AGBL4: variants seen among roughly 807,000 people sequenced by gnomAD.
The protein encoded by AGBL4 is cytosolic carboxypeptidase 6.
AGBL4 carries 58 observed loss-of-function variants against 66.4 expected under a neutral mutation model. The ratio of observed to expected loss-of-function variants is 0.87; its 90% CI spans 0.71 to 1.09. The LOEUF (loss-of-function observed/expected upper bound fraction) is 1.09, where lower values mean the gene tolerates loss of function less well. AGBL4 is among the 50% of genes least tolerant of loss of function. AGBL4 has a pLI of 0.00. For synonymous variants in AGBL4, 234 were observed against 222.9 expected (o/e 1.05, Z -0.44); for missense variants, 579 against 631.0 (o/e 0.92, Z 0.88).
intron 5 of AGBL4, among the ~76,000 whole-genome samples, chr1:48,876,465 G>A (rs1356231985): frequency 6.6e-6 from 1 of 152,124 alleles, no homozygotes; most frequent in African/African-American, 2.4e-5. Context: ...TTACATGCTA[G>A]GGCAGTAATT....
chr1:48,865,312 T>C (rs540528969), intron 6 of AGBL4, among the ~76,000 whole-genome samples: 55 of 152,300 alleles, frequency 3.6e-4, no homozygotes, highest in African/African-American at 1.3e-3. Context: ...CACACATTGA[T>C]AATATTTGTC....
chr1:49,867,560 A>G (rs989670112), intron 1 of AGBL4, among the ~76,000 whole-genome samples: 5 of 136,214 alleles, frequency 3.7e-5, no homozygotes, highest in Non-Finnish European at 7.6e-5. Context: ...TTATTGTTCA[A>G]TTCCCACCTA....
chr1:49,135,898 C>G (rs184316003), intron 4 of AGBL4, among the ~76,000 whole-genome samples: 1 of 152,088 alleles, frequency 6.6e-6, no homozygotes, highest in Non-Finnish European at 1.5e-5. Context: ...CAACAGTACA[C>G]AAAATGAGTA....
At chr1:49,970,687 C>T (rs144045032) in intron 1 of AGBL4, among the ~76,000 whole-genome samples, 10 of 146,800 alleles carry the variant, frequency 6.8e-5, no homozygotes, top group African/African-American at 2.5e-4. Context: ...CAGAGCACGA[C>T]TCCGACTCAA....
intron 1 of AGBL4, among the ~76,000 whole-genome samples, chr1:49,959,054 A>G (rs1368387132): frequency 1.3e-5 from 2 of 151,794 alleles, no homozygotes; most frequent in Non-Finnish European, 2.9e-5. Context: ...ACCTTTGACT[A>G]GGCCTGACTA....
At chr1:48,674,512 G>T (rs1646332477) in intron 6 of AGBL4, among the ~76,000 whole-genome samples, 1 of 121,438 alleles carries the variant, frequency 8.2e-6, no homozygotes, top group Non-Finnish European at 1.8e-5. Context: ...GGCTGGGGGT[G>T]TTGGGCGCGT....
intron 5 of AGBL4, among the ~76,000 whole-genome samples, chr1:49,012,833 G>T (rs2149009362): frequency 6.6e-6 from 1 of 152,348 alleles, no homozygotes. Context: ...AATCCCCAAT[G>T]TAACAGCATT....
At chr1:48,714,745 GT>G (rs1647022110) in intron 6 of AGBL4, among the ~76,000 whole-genome samples, 1 of 152,206 alleles carries the variant, frequency 6.6e-6, no homozygotes, top group African/African-American at 2.4e-5. Flanking sequence ...TGAGGCCTGT[GT>G]GCCCCAGCAG....
chr1:49,402,631 C>A (rs1645111279), intron 3 of AGBL4, among the ~76,000 whole-genome samples: 1 of 151,044 alleles, frequency 6.6e-6, no homozygotes, highest in African/African-American at 2.4e-5. Context: ...GCAATGGCAC[C>A]ATCTCCACTC....
intron 5 of AGBL4, among the ~76,000 whole-genome samples, chr1:48,897,878 C>T (rs1279088561): frequency 5.5e-5 from 8 of 146,288 alleles, no homozygotes; most frequent in Admixed American, 1.4e-4. Context: ...GGCACGATCT[C>T]GGTTCACTGC....
intron 3 of AGBL4, among the ~76,000 whole-genome samples, chr1:49,480,624 C>T (rs544057439): frequency 1.3e-5 from 2 of 152,132 alleles, no homozygotes; most frequent in Admixed American, 1.3e-4. Context: ...TTTTGCTCTG[C>T]AGAAGTGCTT....
At chr1:49,992,371 CAAAA>C (rs34311728) in intron 1 of AGBL4, among the ~76,000 whole-genome samples, 1 of 86,878 alleles carries the variant, frequency 1.2e-5, no homozygotes, top group Non-Finnish European at 2.4e-5. Flanking sequence ...GACTCCGTCT[CAAAA>C]AAAAAAAAAA....
chr1:49,555,387 C>T (rs1464133863), intron 3 of AGBL4, among the ~76,000 whole-genome samples: 1 of 151,414 alleles, frequency 6.6e-6, no homozygotes, highest in Non-Finnish European at 1.5e-5. Context: ...TTTAGCTAGA[C>T]ACAAAAGTTC....
At chr1:49,880,365 G>C (rs541131990) in intron 1 of AGBL4, among the ~76,000 whole-genome samples, 1 of 152,078 alleles carries the variant, frequency 6.6e-6, no homozygotes, top group Non-Finnish European at 1.5e-5. Context: ...CTGTTTGTTA[G>C]TTTTCCTTCT....
At chr1:49,479,702 TC>T (rs1646916414) in intron 3 of AGBL4, among the ~76,000 whole-genome samples, 1 of 150,850 alleles carries the variant, frequency 6.6e-6, no homozygotes, top group Non-Finnish European at 1.5e-5. Context: ...TTTCTTTTTT[TC>T]TTTTTTTTTT....
intron 2 of AGBL4, among the ~76,000 whole-genome samples, chr1:49,768,298 C>A (rs1643952318): frequency 6.6e-6 from 1 of 152,106 alleles, no homozygotes; most frequent in Admixed American, 6.5e-5. Context: ...CAAACTGAAT[C>A]CAGCTGCACA....
At chr1:49,777,007 CAATA>C (rs542740228) in intron 2 of AGBL4, among the ~76,000 whole-genome samples, 147 of 152,138 alleles carry the variant, frequency 9.7e-4, no homozygotes, top group African/African-American at 3.4e-3. Context: ...AAGAGGTATT[CAATA>C]AATATTTATT....
chr1:48,820,124 A>G (rs1218128484), intron 6 of AGBL4, among the ~76,000 whole-genome samples: 2 of 152,222 alleles, frequency 1.3e-5, no homozygotes, highest in African/African-American at 2.4e-5. Flanking sequence ...TACATGGAAC[A>G]AGGATAAGGT....
chr1:49,502,462 T>C (rs1490328963), intron 3 of AGBL4, among the ~76,000 whole-genome samples: 1 of 152,038 alleles, frequency 6.6e-6, no homozygotes, highest in Non-Finnish European at 1.5e-5. Flanking sequence ...TGGAAGTGAT[T>C]TTGGAACTCA....
Sources: allele counts gnomAD v4.1 joint callset (sites outside exome capture counted in the v4.1 genomes callset), GRCh38; gene constraint gnomAD v4.1.1; transcripts MANE v1.5; gene names NCBI Gene and HGNC (gene_info 2026-07-23, HGNC 2026-07-21).